Variants in ALDH4A1 observed in about 807,000 individuals in gnomAD.
The protein encoded by ALDH4A1 is aldehyde dehydrogenase 4 family member A1, also known as delta-1-pyrroline-5-carboxylate dehydrogenase, mitochondrial.
Under a neutral mutation model 70.5 loss-of-function variants are expected in ALDH4A1, and 46 were observed. The observed-to-expected ratio is 0.65, with a 90% CI of 0.51 to 0.83. The LOEUF (loss-of-function observed/expected upper bound fraction) is 0.83, where lower values mean the gene tolerates loss of function less well. Among genes scored for constraint, ALDH4A1 ranks in the 40% least tolerant of loss-of-function variants. ALDH4A1 has a pLI of 0.00. For synonymous variants in ALDH4A1, 323 were observed against 324.3 expected, an observed-to-expected ratio of 1.00 and a Z score of 0.04; for missense variants, 749 against 766.5, an observed-to-expected ratio of 0.98 and a Z score of 0.27.
intron 1 of ALDH4A1, among the ~76,000 whole-genome samples, chr1:18,896,004 C>T (rs751639980): frequency 7.9e-5 from 12 of 152,152 alleles, no homozygotes; most frequent in Admixed American, 5.9e-4. Flanking sequence ...TCCCCATCAC[C>T]CTGCCCCATT....
At chr1:18,885,758 C>T in intron 4 of ALDH4A1, 130 bp from the exon 5 acceptor site, 1 of 1,312,250 alleles carries the variant, frequency 7.6e-7, no homozygotes, top group East Asian at 2.5e-5. Flanking sequence ...CCTGGGCCCT[C>T]AGCCCCCTGC....
In ALDH4A1 at chr1:18,875,138, C is replaced by T. The variant is rs118045616; in HGVS notation, c.1460+244G>A. ...GAAGACACCAATTCCTAGCCCTGCCCCTAGAGGTTCAGATCCACTGGTCCC... is the reference window on the plus strand; with the variant it reads ...GAAGACACCAATTCCTAGCCCTGCCTCTAGAGGTTCAGATCCACTGGTCCC... On this transcript the variant is annotated intron_variant, in intron 13 of 14. Coordinates refer to ENST00000375341, the MANE Select transcript of ALDH4A1 (RefSeq NM_003748.4). Among the ~76,000 whole-genome samples, 798 of 152,334 alleles carry T rather than the reference C, an allele frequency of 5.2e-3. 11 individuals are homozygous for T. Among genetic ancestry groups the T allele is most frequent in the East Asian group, 0.033 (171 of 5,184 alleles).
Position 18,881,869 on chromosome 1 carries a change from T to TCCATAGGA in ALDH4A1, c.689_696dup (p.Lys233SerfsTer104), listed in dbSNP as rs1569747782. On this transcript the variant is annotated frameshift_variant, in exon 8 of 15. Transcript: ENST00000375341. LOFTEE classifies it high-confidence loss of function. ...GCCAGCATGGCAGTGTCACTGGGCT[T>TCCATAGGA]CCATAGGACCACGTTGCCCTGCCCG... The TCCATAGGA allele has an allele frequency of 6.2e-7, 1 of 1,613,482 alleles. No homozygotes were observed. The highest frequency in any genetic ancestry group is 1.3e-5 in the African/African-American group (1 of 74,916).
chr1:18,873,786 C>G (rs1466430964), intron 14 of ALDH4A1, among the ~76,000 whole-genome samples: 11 of 152,172 alleles, frequency 7.2e-5, no homozygotes, highest in Admixed American at 7.2e-4. Flanking sequence ...TAATAGTAAG[C>G]ACGCTTCCCC....
intron 14 of ALDH4A1, 100 bp from the exon 15 acceptor site, chr1:18,873,057 G>T: frequency 9.6e-7 from 1 of 1,047,074 alleles, no homozygotes; most frequent in East Asian, 2.5e-5. Flanking sequence ...GCAGTGTAGC[G>T]GCCAGCAGCG....
In ALDH4A1 at chr1:18,871,771, A is replaced by C. The variant is rs1460995510; in HGVS notation, c.*1074T>G. The C allele has an allele frequency of 6.6e-6, 1 of 152,300 alleles. No homozygotes were observed. The highest frequency in any genetic ancestry group is 2.4e-5 in the African/African-American group (1 of 41,478). The allele number at this position is 152,300 out of a possible 1,614,324, so 9.4% of individuals were successfully genotyped here. On this transcript the variant is annotated 3_prime_UTR_variant, in exon 15 of 15. Coordinates refer to ENST00000375341, the MANE Select transcript of ALDH4A1 (RefSeq NM_003748.4). ...ATGCTTTACAGATCTCTGACCACTC[A>C]GAATCCAAGCAGGAGGCATCTGTGG...
chr1:18,886,600 G>T, intron 3 of ALDH4A1, 89 bp from the exon 4 acceptor site: 16 of 1,436,118 alleles, frequency 1.1e-5, no homozygotes, highest in Non-Finnish European at 1.6e-5. Context: ...GGTTTTCCAG[G>T]AAAGTCCTGG....
intron 3 of ALDH4A1, among the ~76,000 whole-genome samples, chr1:18,888,673 C>T (rs1935319049): frequency 1.3e-5 from 2 of 151,314 alleles, no homozygotes; most frequent in Non-Finnish European, 2.9e-5. Context: ...CAGTGACAGA[C>T]AGAGTGACCT....
At chr1:18,882,615 C>CTG in intron 7 of ALDH4A1, 1 of 537,514 alleles carries the variant, frequency 1.9e-6, no homozygotes, top group Non-Finnish European at 3.8e-6. Flanking sequence ...TAAGTCACGG[C>CTG]TGTGTGTCTC....
chr1:18,898,880 G>T lies in ALDH4A1; in HGVS notation c.62+3582C>A, dbSNP rs537768022. On this transcript the variant is annotated intron_variant, in intron 1 of 14. Transcript: ENST00000375341. This position sits in a 1 kb window ranked among gnomAD's most constrained non-coding sequence, Gnocchi z 4.3. ...CCTCAATGGCGCTTTCACTACTTTA[G>T]AAGTGTGATGATAATCACAGGTTTT... is the stretch of plus-strand genomic sequence containing the variant. Among the ~76,000 whole-genome samples the T allele has an allele frequency of 5.9e-5, 9 of 152,354 alleles. No homozygotes were observed. In the East Asian group the frequency reaches 1.7e-3, roughly 29 times the overall value.
At chr1:18,886,972 G>A (rs1158507216) in intron 3 of ALDH4A1, among the ~76,000 whole-genome samples, 1 of 152,150 alleles carries the variant, frequency 6.6e-6, no homozygotes, top group African/African-American at 2.4e-5. Context: ...AAATTCTTTG[G>A]TCCAGTATGA....
At chr1:18,887,021 A>C (rs1935227574) in intron 3 of ALDH4A1, among the ~76,000 whole-genome samples, 1 of 152,224 alleles carries the variant, frequency 6.6e-6, no homozygotes, top group South Asian at 2.1e-4. Context: ...TGAGGCCCAA[A>C]AGAATGCACC....
rs550902792 is a variant in ALDH4A1, at chr1:18,902,538, G to A, written c.-15C>T. ...GGCAGCAGCATCTCGGGTTAGAAGCGGGGCTGTTCGCTGGATCGTCCGCCC... is the reference window on the plus strand; with the variant it reads ...GGCAGCAGCATCTCGGGTTAGAAGCAGGGCTGTTCGCTGGATCGTCCGCCC... On this transcript the variant is annotated 5_prime_UTR_variant, in exon 1 of 15. Coordinates refer to ENST00000375341, the MANE Select transcript of ALDH4A1 (RefSeq NM_003748.4). The A allele has an allele frequency of 1.3e-6, 2 of 1,484,430 alleles. No individual in the cohort carries two copies. Among genetic ancestry groups the A allele is most frequent in the South Asian group, 1.3e-5 (1 of 78,294 alleles). 92.0% of individuals were successfully genotyped at this position (1,484,430 alleles called of 1,614,324 possible). A position where few individuals can be genotyped will look rare whatever the true frequency, so the allele number is the denominator to read the frequency against.
chr1:18,894,805 C>T (rs777909612), intron 1 of ALDH4A1, among the ~76,000 whole-genome samples: 1 of 151,764 alleles, frequency 6.6e-6, no homozygotes, highest in Non-Finnish European at 1.5e-5. Flanking sequence ...GAGTCGACTG[C>T]AGCTAAAAAT....
intron 3 of ALDH4A1, among the ~76,000 whole-genome samples, chr1:18,887,031 C>T (rs1445434455): frequency 6.6e-6 from 1 of 152,202 alleles, no homozygotes; most frequent in Non-Finnish European, 1.5e-5. Flanking sequence ...AAGAATGCAC[C>T]GGTGTTGTGA....
Position 18,880,075 on chromosome 1 carries a change from T to C in ALDH4A1, c.867-702A>G, listed in dbSNP as rs1386887446. Among the ~76,000 whole-genome samples, 2 of 152,172 alleles carry C rather than the reference T, an allele frequency of 1.3e-5. No homozygotes were observed. The highest frequency in any genetic ancestry group is 6.5e-5 in the Admixed American group (1 of 15,288). ...GGTCCAGGCCCGCTCCGCCCGCTGA[T>C]AGGCGGGGAGCCCAGGGGCCCGTGG... On this transcript the variant is annotated intron_variant, in intron 8 of 14. Coordinates refer to ENST00000375341, the MANE Select transcript of ALDH4A1 (RefSeq NM_003748.4). This position sits in a 1 kb window ranked among gnomAD's most constrained non-coding sequence, Gnocchi z 5.1.
intron 12 of ALDH4A1, among the ~76,000 whole-genome samples, 163 bp downstream of exon 12, chr1:18,876,152 C>T (rs911095149): frequency 1.3e-5 from 2 of 152,192 alleles, no homozygotes; most frequent in Non-Finnish European, 2.9e-5. Context: ...AGCCTGAGCT[C>T]AAAACCTGGC....
intron 11 of ALDH4A1, among the ~76,000 whole-genome samples, chr1:18,876,697 G>A (rs77704100): frequency 0.01 from 1,322 of 127,464 alleles, 62 homozygotes; most frequent in Admixed American, 0.085. Flanking sequence ...ACAAGTGTAC[G>A]TGTGTTAGTA....
In ALDH4A1 at chr1:18,872,882, T is replaced by G. The variant is rs754279134; in HGVS notation, c.1655A>C (p.Lys552Thr). 4 of 1,614,070 alleles carry G rather than the reference T, an allele frequency of 2.5e-6. No individual in the cohort carries two copies. In the South Asian group the frequency reaches 4.4e-5, roughly 18 times the overall value. The change falls in exon 15 of 15, where the codon AAG (lysine) becomes ACG (threonine). Residue 552 changes from lysine to threonine, a missense_variant. By Grantham distance (78) the Lys-to-Thr change is moderately conservative. Coordinates refer to ENST00000375341, the MANE Select transcript of ALDH4A1 (RefSeq NM_003748.4). ...CGCGTAGCTCCAGTCCCCCAGGGGCTTATGTGTCTCCTTGATGACCTGCGG... is the reference window on the plus strand; with the variant it reads ...CGCGTAGCTCCAGTCCCCCAGGGGCGTATGTGTCTCCTTGATGACCTGCGG... ...TSPQVIKETH[K>T]PLGDWSYAYM...
Sources: allele counts gnomAD v4.1 joint callset (sites outside exome capture counted in the v4.1 genomes callset), GRCh38; gene constraint gnomAD v4.1.1; non-coding constraint Gnocchi (gnomAD v3.1); transcripts MANE v1.5; gene names NCBI Gene and HGNC (gene_info 2026-07-23, HGNC 2026-07-21).